The following FANCC variants were observed in gnomAD, a reference collection of about 807,000 sequenced individuals.
FANCC encodes the protein Fanconi anemia group C protein.
Under a neutral mutation model 71.3 loss-of-function variants are expected in FANCC, and 55 were observed. The ratio of observed to expected loss-of-function variants is 0.77; its 90% CI spans 0.62 to 0.97. The LOEUF (loss-of-function observed/expected upper bound fraction) is 0.97. FANCC is among the 50% of genes least tolerant of loss of function. FANCC has a pLI of 0.00. For missense variants in FANCC, 678 were observed against 670.9 expected (o/e 1.01, Z -0.12); for synonymous variants, 275 against 244.9 (o/e 1.12, Z -1.15).
intron 6 of FANCC, among the ~76,000 whole-genome samples, chr9:95,165,795 A>G (rs1185996304): frequency 1.3e-5 from 2 of 151,992 alleles, no homozygotes; most frequent in Admixed American, 6.5e-5. Flanking sequence ...ATTAGGTCCA[A>G]TTGGTCCACA....
intron 4 of FANCC, among the ~76,000 whole-genome samples, chr9:95,202,408 T>A (rs1398725024): frequency 6.6e-6 from 1 of 151,786 alleles, no homozygotes; most frequent in Non-Finnish European, 1.5e-5. Context: ...CCAGCTTTTC[T>A]AGCACAGGTT....
intron 6 of FANCC, among the ~76,000 whole-genome samples, chr9:95,168,824 T>C (rs1351898693): frequency 6.6e-6 from 1 of 152,236 alleles, no homozygotes; most frequent in Non-Finnish European, 1.5e-5. Flanking sequence ...CCACCGCACC[T>C]GGCCTAAATT....
In FANCC at chr9:95,286,343, T is replaced by C. The variant is rs528594188; in HGVS notation, c.-79+31183A>G. On this transcript the variant is annotated intron_variant, in intron 1 of 14. Transcript: ENST00000289081. ...AATTCCATTCCCTTGTCAGTGACTG[T>C]ATCCTAGGCCAATACGTGGAGATGT... Among the ~76,000 whole-genome samples, 6 of 152,348 alleles carry C rather than the reference T, an allele frequency of 3.9e-5. No homozygotes were observed. The South Asian group carries it at 1.0e-3, about 26-fold the overall frequency.
At chr9:95,266,475 G>A (rs1291790045) in intron 1 of FANCC, among the ~76,000 whole-genome samples, 3 of 152,066 alleles carry the variant, frequency 2.0e-5, no homozygotes, top group East Asian at 1.9e-4. Context: ...ACTGTGCAAC[G>A]GCAATCTCTT....
chr9:95,108,965 G>A (rs964740689), intron 13 of FANCC, among the ~76,000 whole-genome samples: 2 of 151,680 alleles, frequency 1.3e-5, no homozygotes, highest in Non-Finnish European at 1.5e-5. Flanking sequence ...GAATGCAGTG[G>A]TGCAATCTCT....
chr9:95,150,994 C>A (rs148242885), intron 6 of FANCC, among the ~76,000 whole-genome samples: 1 of 152,342 alleles, frequency 6.6e-6, no homozygotes, highest in Non-Finnish European at 1.5e-5. Flanking sequence ...TCCTCAACTG[C>A]ACTAGTCACA....
intron 4 of FANCC, among the ~76,000 whole-genome samples, chr9:95,211,759 G>A (rs1010505933): frequency 2.6e-5 from 4 of 151,922 alleles, no homozygotes; most frequent in African/African-American, 9.7e-5. Context: ...AAGGAAGCAG[G>A]CTGGAAATGG....
chr9:95,179,350 T>C (rs1004965451), intron 4 of FANCC, among the ~76,000 whole-genome samples: 23 of 152,310 alleles, frequency 1.5e-4, no homozygotes, highest in Non-Finnish European at 2.9e-4. Context: ...TTCCAGGTGA[T>C]TCATATGCAC....
intron 4 of FANCC, among the ~76,000 whole-genome samples, chr9:95,213,312 A>G (rs1828624619): frequency 6.6e-6 from 1 of 152,188 alleles, no homozygotes; most frequent in Admixed American, 6.5e-5. Context: ...GAAAGGAAAC[A>G]GTAAAAACCA....
chr9:95,237,889 G>T, intron 4 of FANCC, among the ~76,000 whole-genome samples: 1 of 152,140 alleles, frequency 6.6e-6, no homozygotes, highest in African/African-American at 2.4e-5. Context: ...TGAAATGATG[G>T]TATTTGGAAT....
rs1226485838 is a variant in FANCC at position 95,160,116 on chromosome 9, G to A, written c.522-10029C>T. ...AAGTCCTTGTCCATGACTAGGTCCT[G>A]AATGGTATTGCCTAGATTTTCTTCT... On this transcript the variant is annotated intron_variant, in intron 6 of 14. Coordinates refer to ENST00000289081, the MANE Select transcript of FANCC (RefSeq NM_000136.3). Among the ~76,000 whole-genome samples the A allele has an allele frequency of 1.3e-5, 2 of 152,184 alleles. 1 individual carries two copies. The highest frequency in any genetic ancestry group is 2.9e-5 in the Non-Finnish European group (2 of 68,038).
intron 1 of FANCC, among the ~76,000 whole-genome samples, chr9:95,272,983 G>A (rs543149607): frequency 6.6e-6 from 1 of 152,080 alleles, no homozygotes; most frequent in African/African-American, 2.4e-5. Context: ...ACCTTACAGA[G>A]ACCATCCATC....
chr9:95,273,081 A>C (rs1226434987), intron 1 of FANCC, among the ~76,000 whole-genome samples: 1 of 152,240 alleles, frequency 6.6e-6, no homozygotes, highest in Non-Finnish European at 1.5e-5. Context: ...AATTAAGGAC[A>C]AATGTGATCA....
chr9:95,144,054 T>C (rs1367089000), intron 7 of FANCC, among the ~76,000 whole-genome samples: 1 of 152,066 alleles, frequency 6.6e-6, no homozygotes, highest in Non-Finnish European at 1.5e-5. Flanking sequence ...AAGCAAATAG[T>C]TGGAAGGCTA....
chr9:95,301,012 G>A (rs190107176), intron 1 of FANCC, among the ~76,000 whole-genome samples: 49 of 152,218 alleles, frequency 3.2e-4, no homozygotes, highest in African/African-American at 1.1e-3. Flanking sequence ...CTATGTAGAA[G>A]GAAGGCAAAC....
intron 1 of FANCC, among the ~76,000 whole-genome samples, chr9:95,271,923 TCTTC>T (rs1485220879): frequency 8.2e-6 from 1 of 121,826 alleles, no homozygotes; most frequent in African/African-American, 3.0e-5. Flanking sequence ...CCATCAAGCC[TCTTC>T]TTTTTTTTTT....
chr9:95,118,159 C>T (rs62581083), intron 10 of FANCC, among the ~76,000 whole-genome samples: 1 of 152,166 alleles, frequency 6.6e-6, no homozygotes, highest in Non-Finnish European at 1.5e-5. Context: ...GCCGGGATTA[C>T]AGGCACATGC....
At chr9:95,315,909 A>T (rs925942806) in intron 1 of FANCC, among the ~76,000 whole-genome samples, 3 of 152,370 alleles carry the variant, frequency 2.0e-5, no homozygotes, top group Admixed American at 2.0e-4. Context: ...GGTTAAAAGT[A>T]CCATTTGTTT....
intron 7 of FANCC, among the ~76,000 whole-genome samples, chr9:95,136,580 A>T (rs984718546): frequency 2.6e-5 from 4 of 152,008 alleles, no homozygotes; most frequent in Non-Finnish European, 5.9e-5. Context: ...TCAAACTCCT[A>T]GGCTCATGTG....
Sources: allele counts gnomAD v4.1 joint callset (sites outside exome capture counted in the v4.1 genomes callset), GRCh38; gene constraint gnomAD v4.1.1; transcripts MANE v1.5; gene names NCBI Gene and HGNC (gene_info 2026-07-23, HGNC 2026-07-21).